The following FTSJ3 variants were observed in gnomAD, a reference collection of about 807,000 sequenced individuals.
FTSJ3 encodes the protein pre-rRNA 2'-O-ribose RNA methyltransferase FTSJ3.
FTSJ3 carries 46 observed loss-of-function variants against 111.5 expected under a neutral mutation model. The observed-to-expected ratio is 0.41, with a 90% CI of 0.33 to 0.53. FTSJ3 has a LOEUF of 0.53. Ranked by LOEUF, FTSJ3 falls within the 20% of genes least tolerant of loss-of-function variation. The pLI, the probability that FTSJ3 is intolerant of heterozygous loss-of-function variation, is 0.19. For missense variants in FTSJ3, 1,075 were observed against 1,063.8 expected, an observed-to-expected ratio of 1.01 and a Z score of -0.15; for synonymous variants, 408 against 383.0, an observed-to-expected ratio of 1.07 and a Z score of -0.76.
chr17:63,826,478 G>A, intron 3 of FTSJ3, 89 bp downstream of exon 3: 1 of 1,268,416 alleles, frequency 7.9e-7, no homozygotes, highest in Non-Finnish European at 1.1e-6. Flanking sequence ...CGGGATTCGG[G>A]TTCCCCTCCC....
chr17:63,824,895 T>G lies in FTSJ3; in HGVS notation c.746A>C (p.Tyr249Ser), dbSNP rs751776424. 1.3e-6 allele frequency: 2 copies of G among 1,593,638 alleles called. No individual in the cohort carries two copies. Among genetic ancestry groups the G allele is most frequent in the Non-Finnish European group, 8.6e-7 (1 of 1,169,312 alleles). ...GAAGTCAGTGACTGAGGTACGGTGA[T>G]AGAGAGTGAGGTCACCCTCAGCATA... The part of the protein sequence containing the change: ...EGYAEGDLTL[Y>S]HRTSVTDFLR... The change falls in exon 9 of 21, where the codon TAT becomes TCT. Residue 249 changes from tyrosine to serine, a missense_variant. Around this residue, in one of 2 missense-constraint regions of FTSJ3, gnomAD observed 867 missense variants for 796.9 expected, o/e 1.09. Transcript: ENST00000427159.
Position 63,827,229 on chromosome 17 carries a change from G to A in FTSJ3, c.-204C>T, listed in dbSNP as rs1188302969. On this transcript the variant is annotated 5_prime_UTR_variant, in exon 1 of 21. Transcript: ENST00000427159. ...TTTGTAAGTTGAAAGTTGAGACTAG[G>A]AAGGCATATCACAAGAACTATAAAC... is the stretch of plus-strand genomic sequence containing the variant. 3 of 606,614 alleles carry A rather than the reference G, an allele frequency of 4.9e-6. No homozygotes were observed. The highest frequency in any genetic ancestry group is 8.7e-6 in the Non-Finnish European group (3 of 342,976). The allele number at this position is 606,614 out of a possible 1,614,324, so 37.6% of individuals were successfully genotyped here. A position where few individuals can be genotyped will look rare whatever the true frequency, so the allele number is the denominator to read the frequency against.
chr17:63,821,466 G>A lies in FTSJ3; in HGVS notation c.1774C>T (p.Pro592Ser), dbSNP rs1423070941. ...IMSPLYQDEA[P>S]KGTEASSGTE... ...CCCGAAGAAGCCTCTGTTCCCTTAG[G>A]GGCTTCATCTTGGTACAGGGGAGAC... is the stretch of plus-strand genomic sequence containing the variant. Residue 592 changes from proline (P) to serine (S), a missense_variant, in exon 16 of 21, where the codon CCT (proline) becomes TCT (serine). Physicochemically the swap from Pro to Ser is moderately conservative, Grantham distance 74. Around this residue, in one of 2 missense-constraint regions of FTSJ3, gnomAD observed 867 missense variants for 796.9 expected, o/e 1.09. Coordinates refer to ENST00000427159, the MANE Select transcript of FTSJ3 (RefSeq NM_017647.4). The A allele has an allele frequency of 3.1e-6, 5 of 1,614,026 alleles. No individual in the cohort carries two copies. The highest frequency in any genetic ancestry group is 4.2e-6 in the Non-Finnish European group (5 of 1,180,042).
At chr17:63,820,691 T>G (rs557890116) in intron 18 of FTSJ3, 148 bp downstream of exon 18, 2 of 216,710 alleles carry the variant, frequency 9.2e-6, no homozygotes, top group Admixed American at 7.9e-5. Flanking sequence ...ACTCAAGCGA[T>G]TCAAGGAGAA....
In FTSJ3 at chr17:63,824,720, TTCA is replaced by T. The variant is rs1313015870; in HGVS notation, c.831_833del (p.Asp277del). The T allele has an allele frequency of 1.2e-6, 2 of 1,613,876 alleles. No homozygotes were observed. Among genetic ancestry groups the T allele is most frequent in the Non-Finnish European group, 1.7e-6 (2 of 1,179,762 alleles). ...TGGTAGCTGGATGCTGTGCCAACTC[TTCA>T]TCATCTACCATGATCTGTTTGGGAG... On this transcript the variant is annotated inframe_deletion, in exon 10 of 21. Transcript: ENST00000427159.
At chr17:63,821,165 G>A in intron 16 of FTSJ3, 50 bp from the exon 17 acceptor site, 1 of 1,592,870 alleles carries the variant, frequency 6.3e-7, no homozygotes, top group Non-Finnish European at 8.6e-7. Flanking sequence ...GTACTACTCA[G>A]ACCGCACTCC....
At position 63,827,590 on chromosome 17, in the gene FTSJ3, G is replaced by A; in HGVS notation, c.-565C>T. 6.4e-7 allele frequency: 1 copy of A among 1,550,934 alleles called. No individual in the cohort carries two copies. The highest frequency in any genetic ancestry group is 8.7e-7 in the Non-Finnish European group (1 of 1,146,764). ...CGAGCGTGATCTGAGTGGAGAGCGGGCCGGGGCAGGAGCGTCGGGTGGGTC... is the reference window on the plus strand; with the variant it reads ...CGAGCGTGATCTGAGTGGAGAGCGGACCGGGGCAGGAGCGTCGGGTGGGTC... On this transcript the variant is annotated 5_prime_UTR_variant, in exon 1 of 21. Coordinates refer to ENST00000427159, the MANE Select transcript of FTSJ3 (RefSeq NM_017647.4).
At chr17:63,820,206 C>T in intron 19 of FTSJ3, 33 bp from the exon 20 acceptor site, 1 of 1,001,180 alleles carries the variant, frequency 1.0e-6, no homozygotes, top group Non-Finnish European at 1.5e-6. Context: ...ACCTCTTCCC[C>T]ATCCCCCCAC....
In FTSJ3 at chr17:63,819,686, C is replaced by T; in HGVS notation, c.*116G>A. 3 of 985,792 alleles carry T rather than the reference C, an allele frequency of 3.0e-6. No individual in the cohort carries two copies. Among genetic ancestry groups the T allele is most frequent in the Non-Finnish European group, 4.5e-6 (3 of 665,420 alleles). The allele number at this position is 985,792 out of a possible 1,614,324, so 61.1% of individuals were successfully genotyped here. A position where few individuals can be genotyped will look rare whatever the true frequency, so the allele number is the denominator to read the frequency against. On this transcript the variant is annotated 3_prime_UTR_variant, in exon 21 of 21. Transcript: ENST00000427159. ...GTTCTAGGCACTCCACCTCACTGTT[C>T]TTCAGACAGCTGTGATGTGAGCAGG...
Position 63,826,058 on chromosome 17 carries a change from G to C in FTSJ3, c.298C>G (p.Gln100Glu), listed in dbSNP as rs2040098661. ...AGGAAGAGAGAGACTCCTATTACCT[G>C]CCTACAACGTTCTGTTGTGATGTCC... ...QQDITTERCR[Q>E]ALRKELKTWK... Residue 100 changes from glutamine to glutamate, a missense_variant and splice_region_variant, in exon 5 of 21, where the codon CAG (glutamine) becomes GAG (glutamate). Coordinates refer to ENST00000427159, the MANE Select transcript of FTSJ3 (RefSeq NM_017647.4). 1.9e-6 allele frequency: 3 copies of C among 1,607,848 alleles called. No individual in the cohort carries two copies. Among genetic ancestry groups the C allele is most frequent in the Admixed American group, 3.3e-5 (2 of 59,854 alleles).
In FTSJ3 at chr17:63,823,921, T is replaced by C. The variant is rs1280249884; in HGVS notation, c.1186A>G (p.Lys396Glu). 6.2e-7 allele frequency: 1 copy of C among 1,614,070 alleles called. No homozygotes were observed. The highest frequency in any genetic ancestry group is 1.3e-5 in the African/African-American group (1 of 74,916). The change falls in exon 13 of 21, where the codon AAG (lysine) becomes GAG (glutamate). Residue 396 changes from lysine (K) to glutamate (E), a missense_variant. Lys to Glu is a moderately conservative substitution (Grantham distance 56). Transcript: ENST00000427159. Reference sequence around the variant, plus strand: ...TTCAGCTCCACACGCTCCCGCTGCTTTCTCTGCTCACGCAACAGCTTCTTT... The same window carrying C: ...TTCAGCTCCACACGCTCCCGCTGCTCTCTCTGCTCACGCAACAGCTTCTTT... Reference protein sequence around the residue: ...KKKKLLREQRKQRERVELKMD... With the variant: ...KKKKLLREQREQRERVELKMD...
chr17:63,819,767 G>C lies in FTSJ3; in HGVS notation c.*35C>G, dbSNP rs2040028390. On this transcript the variant is annotated 3_prime_UTR_variant, in exon 21 of 21. Coordinates refer to ENST00000427159, the MANE Select transcript of FTSJ3 (RefSeq NM_017647.4). ...GAGCCATGCCACACCCTTCCTCCTAGTCCCCATGCTCTCCTGGGAGCCTGG... is the reference window on the plus strand; with the variant it reads ...GAGCCATGCCACACCCTTCCTCCTACTCCCCATGCTCTCCTGGGAGCCTGG... 2 of 1,580,086 alleles carry C rather than the reference G, an allele frequency of 1.3e-6. No homozygotes were observed. Among genetic ancestry groups the C allele is most frequent in the Admixed American group, 3.5e-5 (2 of 57,464 alleles).
At position 63,820,296 on chromosome 17, in the gene FTSJ3, T is replaced by C. The variant is rs147658341; in HGVS notation, c.2215A>G (p.Ile739Val). ...KRWREINARP[I>V]KKVAEAKARK... ...GCCTTAGCCTCAGCCACCTTCTTGATGGGACGTGCATTGATTTCCCGCCAG... is the reference window on the plus strand; with the variant it reads ...GCCTTAGCCTCAGCCACCTTCTTGACGGGACGTGCATTGATTTCCCGCCAG... The change falls in exon 19 of 21, where the codon ATC (isoleucine) becomes GTC (valine). Residue 739 changes from isoleucine to valine, a missense_variant. Around this residue, in one of 2 missense-constraint regions of FTSJ3, gnomAD observed 867 missense variants for 796.9 expected, o/e 1.09. Coordinates refer to ENST00000427159, the MANE Select transcript of FTSJ3 (RefSeq NM_017647.4). 5.0e-6 allele frequency: 8 copies of C among 1,608,466 alleles called. No homozygotes were observed. In the African/African-American group the frequency reaches 8.1e-5, roughly 16 times the overall value.
In FTSJ3 at chr17:63,825,346, T is replaced by TA. The variant is rs1176319310; in HGVS notation, c.490dup (p.Tyr164LeufsTer26). The TA allele has an allele frequency of 1.2e-6, 2 of 1,614,074 alleles. No individual in the cohort carries two copies. The highest frequency in any genetic ancestry group is 1.7e-6 in the Non-Finnish European group (2 of 1,180,046). On this transcript the variant is annotated frameshift_variant, in exon 7 of 21. Coordinates refer to ENST00000427159, the MANE Select transcript of FTSJ3 (RefSeq NM_017647.4). LOFTEE classifies it high-confidence loss of function. ...CTGAAAGATCCATAGCAGAGGCTGATAGTCACGAGAACGGAAAACCTTTGT... is the reference window on the plus strand; with the variant it reads ...CTGAAAGATCCATAGCAGAGGCTGATAAGTCACGAGAACGGAAAACCTTTGT...
In FTSJ3 at chr17:63,821,510, C is replaced by G. The variant is rs780046157; in HGVS notation, c.1730G>C (p.Cys577Ser). 3.1e-6 allele frequency: 5 copies of G among 1,614,120 alleles called. No homozygotes were observed. The highest frequency in any genetic ancestry group is 4.2e-6 in the Non-Finnish European group (5 of 1,180,050). The change falls in exon 16 of 21, where the codon TGT becomes TCT. Residue 577 changes from cysteine (C) to serine (S), a missense_variant. Physicochemically the swap from Cys to Ser is moderately radical, Grantham distance 112 (BLOSUM62 -1). Coordinates refer to ENST00000427159, the MANE Select transcript of FTSJ3 (RefSeq NM_017647.4). ...KQQLPQTPPS[C>S]LKTEIMSPLY... ...GGGAGACATTATCTCAGTCTTCAAA[C>G]AGGAAGGGGGTGTCTGTGGCAGCTG...
At position 63,821,532 on chromosome 17, in the gene FTSJ3, G is replaced by A. The variant is rs1555576383; in HGVS notation, c.1708C>T (p.Leu570=). The change falls in exon 16 of 21, where the codon CTG becomes TTG. Residue 570 remains leucine, a synonymous_variant. Transcript: ENST00000427159. ...KGRQQQQKQQ[L]PQTPPSCLKT... Reference sequence around the variant, plus strand: ...AAACAGGAAGGGGGTGTCTGTGGCAGCTGCTGCTTCTGCTGCTGCTGCCGT... The same window carrying A: ...AAACAGGAAGGGGGTGTCTGTGGCAACTGCTGCTTCTGCTGCTGCTGCCGT... 6.8e-6 allele frequency: 11 copies of A among 1,614,124 alleles called. No homozygotes were observed. Among genetic ancestry groups the A allele is most frequent in the Admixed American group, 5.0e-5 (3 of 60,024 alleles).
Position 63,827,033 on chromosome 17 carries a change from G to C in FTSJ3, c.-27+19C>G. ...ACTTCCCGCAGCAATTCCACCCCGCGCCCCTCTCCGCACACTACCTAGACC... is the reference window on the plus strand; with the variant it reads ...ACTTCCCGCAGCAATTCCACCCCGCCCCCCTCTCCGCACACTACCTAGACC... On this transcript the variant is annotated intron_variant, in intron 1 of 20. Transcript: ENST00000427159. 1 of 811,222 alleles carries C rather than the reference G, an allele frequency of 1.2e-6. No homozygotes were observed. Among genetic ancestry groups the C allele is most frequent in the Non-Finnish European group, 2.1e-6 (1 of 478,832 alleles). The allele number at this position is 811,222 out of a possible 1,614,324, so 50.3% of individuals were successfully genotyped here.
Position 63,824,828 on chromosome 17 carries a change from G to C in FTSJ3, c.813C>G (p.Ser271Arg). The C allele has an allele frequency of 1.2e-6, 2 of 1,610,110 alleles. No individual in the cohort carries two copies. The highest frequency in any genetic ancestry group is 1.7e-6 in the Non-Finnish European group (2 of 1,177,152). The change falls in exon 9 of 21, where the codon AGC becomes AGG. Residue 271 changes from serine (S) to arginine (R), a missense_variant. By Grantham distance (110) the Ser-to-Arg change is moderately radical. This residue lies in a region of FTSJ3 where 867 missense variants were observed against 796.9 expected (regional missense o/e 1.09). Transcript: ENST00000427159. ...ANPVDFLSKA[S>R]EIMVDDEELA... Reference sequence around the variant, plus strand: ...TCCCTCAAGGCTGGAGACTCACTTCGCTGGCCTTGGAGAGGAAGTCAACAG... The same window carrying C: ...TCCCTCAAGGCTGGAGACTCACTTCCCTGGCCTTGGAGAGGAAGTCAACAG...
In FTSJ3 at chr17:63,826,066, C is replaced by T. The variant is rs1473498848; in HGVS notation, c.290G>A (p.Arg97His). 4 of 1,611,726 alleles carry T rather than the reference C, an allele frequency of 2.5e-6. No individual in the cohort carries two copies. The highest frequency in any genetic ancestry group is 3.4e-6 in the Non-Finnish European group (4 of 1,178,042). ...AGAGACTCCTATTACCTGCCTACAA[C>T]GTTCTGTTGTGATGTCCTGCTGGAG... ...VTLQQDITTERCRQALRKELK... is the reference protein window; with the variant it reads ...VTLQQDITTEHCRQALRKELK... Residue 97 changes from arginine (R) to histidine (H), a missense_variant, in exon 5 of 21, where the codon CGT (arginine) becomes CAT (histidine). Around this residue, in one of 2 missense-constraint regions of FTSJ3, gnomAD observed 208 missense variants for 266.9 expected, o/e 0.78. Transcript: ENST00000427159.
Sources: allele counts gnomAD v4.1 joint callset, GRCh38; gene constraint gnomAD v4.1.1; regional missense constraint gnomAD v4.1.1; transcripts MANE v1.5; gene names NCBI Gene and HGNC (gene_info 2026-07-23, HGNC 2026-07-21).